Variants in CDH18 observed in about 807,000 individuals in gnomAD.
CDH18 encodes the protein cadherin-18.
A neutral mutation model predicts 67.9 loss-of-function variants in CDH18; 31 were observed. The observed-to-expected ratio is 0.46, with a 90% CI of 0.34 to 0.62. CDH18 has a LOEUF of 0.62. CDH18 is among the 20% of genes least tolerant of loss of function. The pLI is 0.01. For synonymous variants in CDH18, 362 were observed against 347.2 expected (o/e 1.04, Z -0.48); for missense variants, 890 against 975.5 (o/e 0.91, Z 1.17).
intron 2 of CDH18, among the ~76,000 whole-genome samples, chr5:19,944,571 T>G (rs1195150759): frequency 6.6e-6 from 1 of 152,196 alleles, no homozygotes; most frequent in East Asian, 1.9e-4. Flanking sequence ...TTTCTGTTTT[T>G]GTAGTTCTTT....
At chr5:20,158,412 C>A (rs1751725172) in intron 2 of CDH18, among the ~76,000 whole-genome samples, 1 of 151,990 alleles carries the variant, frequency 6.6e-6, no homozygotes. Context: ...TTTTTGGAAA[C>A]CTTATATGTA....
chr5:20,318,185 A>G (rs1370009842), intron 1 of CDH18, among the ~76,000 whole-genome samples: 1 of 152,196 alleles, frequency 6.6e-6, no homozygotes, highest in Admixed American at 6.5e-5. Context: ...TGAGAAATGG[A>G]AAATTCAAGG....
chr5:19,845,721 T>A (rs1782861026), intron 2 of CDH18, among the ~76,000 whole-genome samples: 1 of 152,036 alleles, frequency 6.6e-6, no homozygotes, highest in Non-Finnish European at 1.5e-5. Flanking sequence ...TTGTTTTTTT[T>A]CTGCTGAGTT....
intron 2 of CDH18, among the ~76,000 whole-genome samples, chr5:20,084,804 T>C (rs1007474632): frequency 6.6e-6 from 1 of 152,194 alleles, no homozygotes; most frequent in African/African-American, 2.4e-5. Context: ...CTTTCAGCCA[T>C]GGCTGACTGA....
intron 2 of CDH18, among the ~76,000 whole-genome samples, chr5:19,852,587 T>C (rs1361022737): frequency 6.6e-6 from 1 of 152,070 alleles, no homozygotes; most frequent in Non-Finnish European, 1.5e-5. Flanking sequence ...TTGAAACTCT[T>C]ACTAAATATT....
intron 2 of CDH18, among the ~76,000 whole-genome samples, chr5:20,117,880 C>T (rs898644102): frequency 4.0e-4 from 61 of 152,204 alleles, no homozygotes; most frequent in African/African-American, 1.3e-3. Context: ...ATAGCTGAAG[C>T]AACACCTTTT....
At chr5:19,794,921 AAGGCATGCTTG>A in intron 3 of CDH18, among the ~76,000 whole-genome samples, 1 of 152,186 alleles carries the variant, frequency 6.6e-6, no homozygotes, top group East Asian at 1.9e-4. Flanking sequence ...AGGTATGAAA[AAGGCATGCTTG>A]TTTGCAGCCT....
At chr5:20,540,814 T>G (rs1270358209) in intron 1 of CDH18, among the ~76,000 whole-genome samples, 2 of 152,198 alleles carry the variant, frequency 1.3e-5, no homozygotes, top group Non-Finnish European at 2.9e-5. Context: ...AGGGCTACAT[T>G]CCATCTGAGG....
chr5:20,368,079 TC>T (rs1742667129), intron 1 of CDH18, among the ~76,000 whole-genome samples: 1 of 152,188 alleles, frequency 6.6e-6, no homozygotes, highest in African/African-American at 2.4e-5. Context: ...AGTTTGGGAC[TC>T]CTGGGGTGAA....
intron 2 of CDH18, among the ~76,000 whole-genome samples, chr5:20,066,383 G>A (rs1382828373): frequency 6.6e-6 from 1 of 151,976 alleles, no homozygotes; most frequent in East Asian, 1.9e-4. Flanking sequence ...ACATATTTGG[G>A]ATGCAAATTT....
chr5:20,115,585 A>T (rs1448518651), intron 2 of CDH18, among the ~76,000 whole-genome samples: 1 of 151,744 alleles, frequency 6.6e-6, no homozygotes, highest in Non-Finnish European at 1.5e-5. Context: ...TTATCCCCCA[A>T]AGGCCCTACC....
intron 12 of CDH18, among the ~76,000 whole-genome samples, chr5:19,480,701 C>T (rs1232474447): frequency 6.6e-6 from 1 of 151,926 alleles, no homozygotes; most frequent in Non-Finnish European, 1.5e-5. Flanking sequence ...AGGCTCTTTT[C>T]CTGACTTTCC....
At chr5:19,542,298 A>C (rs1750403860) in intron 9 of CDH18, among the ~76,000 whole-genome samples, 1 of 152,198 alleles carries the variant, frequency 6.6e-6, no homozygotes, top group Non-Finnish European at 1.5e-5. Context: ...TGGAAATATG[A>C]AGAAATAGGA....
At chr5:19,798,888 T>C (rs1433066358) in intron 3 of CDH18, among the ~76,000 whole-genome samples, 1 of 152,080 alleles carries the variant, frequency 6.6e-6, no homozygotes, top group Non-Finnish European at 1.5e-5. Flanking sequence ...ATATGGCATA[T>C]GTAAACACAA....
chr5:19,874,340 C>A (rs149801283), intron 2 of CDH18, among the ~76,000 whole-genome samples: 144 of 152,290 alleles, frequency 9.5e-4, no homozygotes, highest in East Asian at 4.4e-3. Context: ...TTTAAGTTAT[C>A]TGCCTGACTC....
At chr5:20,025,204 T>C (rs912225608) in intron 2 of CDH18, among the ~76,000 whole-genome samples, 6 of 152,186 alleles carry the variant, frequency 3.9e-5, no homozygotes, top group Non-Finnish European at 7.3e-5. Context: ...CATGAAAAAT[T>C]CCGCCTTTCA....
chr5:19,496,733 A>T (rs1017169391), intron 11 of CDH18, among the ~76,000 whole-genome samples: 1 of 145,638 alleles, frequency 6.9e-6, no homozygotes, highest in Non-Finnish European at 1.5e-5. Flanking sequence ...AATCGCTTGA[A>T]CCTGAGAGGC....
chr5:19,629,294 A>G (rs1482918515), intron 5 of CDH18, among the ~76,000 whole-genome samples: 1 of 152,130 alleles, frequency 6.6e-6, no homozygotes, highest in Admixed American at 6.5e-5. Context: ...GAGAGTGTTA[A>G]TTTGGGATAT....
chr5:19,970,717 A>G (rs943895032), intron 2 of CDH18, among the ~76,000 whole-genome samples: 2 of 151,510 alleles, frequency 1.3e-5, no homozygotes, highest in Admixed American at 1.3e-4. Flanking sequence ...CCCTATCAGG[A>G]AAATAATTAT....
Sources: gnomAD v4.1 joint callset for allele counts (sites outside exome capture counted in the v4.1 genomes callset) on GRCh38, gnomAD v4.1.1 for gene constraint, MANE v1.5 for transcripts, NCBI Gene and HGNC (gene_info 2026-07-23, HGNC 2026-07-21) for gene names.